Variants in VWDE observed in about 807,000 individuals in gnomAD.
The protein encoded by VWDE is von Willebrand factor D and EGF domain-containing protein.
VWDE carries 207 observed loss-of-function variants against 178.4 expected under a neutral mutation model. That is an observed-to-expected ratio of 1.16 (90% confidence interval 1.04 to 1.30). The LOEUF (loss-of-function observed/expected upper bound fraction) is 1.30. VWDE is among the 50% of genes most tolerant of loss of function. The pLI is 0.00. For synonymous variants in VWDE, 738 were observed against 651.4 expected (o/e 1.13, Z -2.02); for missense variants, 2,287 against 1,901.3 (o/e 1.20, Z -3.77).
chr7:12,336,853 C>G (rs1354504929), intron 26 of VWDE, 135 bp downstream of exon 26: 1 of 765,488 alleles, frequency 1.3e-6, no homozygotes, highest in African/African-American at 1.8e-5. Flanking sequence ...GAGGTATCTC[C>G]TAAAGCAAGA....
intron 15 of VWDE, 112 bp downstream of exon 15, chr7:12,361,035 T>C (rs1782545952): frequency 1.6e-6 from 1 of 609,364 alleles, no homozygotes; most frequent in Non-Finnish European, 2.7e-6. Flanking sequence ...AAGGCTTTTC[T>C]CTATTAGTTT....
At chr7:12,336,005 C>G in intron 27 of VWDE, 136 bp downstream of exon 27, 1 of 716,656 alleles carries the variant, frequency 1.4e-6, no homozygotes, top group Non-Finnish European at 2.2e-6. Flanking sequence ...TGTTTTATAT[C>G]TAAAATCATT....
intron 24 of VWDE, among the ~76,000 whole-genome samples, chr7:12,339,356 T>G (rs923292809): frequency 2.0e-5 from 3 of 152,176 alleles, no homozygotes; most frequent in Non-Finnish European, 4.4e-5. Context: ...ACATTCTCCA[T>G]TCAAAACTAC....
chr7:12,332,762 T>C (rs1002908067), intron 28 of VWDE, among the ~76,000 whole-genome samples: 1 of 152,164 alleles, frequency 6.6e-6, no homozygotes, highest in Non-Finnish European at 1.5e-5. Context: ...ACTATACATA[T>C]ATCCATTTTG....
At chr7:12,364,303 C>T (rs920178740) in intron 13 of VWDE, among the ~76,000 whole-genome samples, 2 of 152,024 alleles carry the variant, frequency 1.3e-5, no homozygotes, top group Admixed American at 6.6e-5. Context: ...AAGAAGCACA[C>T]CTTGCACCCA....
intron 16 of VWDE, 98 bp from the exon 17 acceptor site, chr7:12,357,613 T>C: frequency 2.2e-6 from 3 of 1,343,946 alleles, no homozygotes; most frequent in Non-Finnish European, 3.0e-6. Context: ...TGATAAAGAC[T>C]GAACTCTGCT....
chr7:12,393,913 T>C, intron 1 of VWDE, 135 bp from the exon 2 acceptor site: 1 of 630,584 alleles, frequency 1.6e-6, no homozygotes, highest in South Asian at 3.6e-5. Flanking sequence ...CCCTCTGAAA[T>C]GTCAGGGTCT....
intron 7 of VWDE, among the ~76,000 whole-genome samples, chr7:12,376,790 C>T (rs1447015147): frequency 6.6e-6 from 1 of 152,036 alleles, no homozygotes; most frequent in Non-Finnish European, 1.5e-5. Flanking sequence ...GTAGGTATTA[C>T]TGAGCCTGCT....
At chr7:12,393,125 T>G (rs182969588) in intron 2 of VWDE, among the ~76,000 whole-genome samples, 1 of 152,270 alleles carries the variant, frequency 6.6e-6, no homozygotes, top group East Asian at 1.9e-4. Flanking sequence ...TTTTACTCCA[T>G]CAGTTAAGAA....
rs1234955188 is a variant in VWDE at position 12,383,459 on chromosome 7, A to G, written c.541+77T>C. ...AATATCAATATAATTCAACATCCAA[A>G]GCTGCAGAATATAATTATCTGTTGA... On this transcript the variant is annotated intron_variant, in intron 4 of 28. Coordinates refer to ENST00000275358, the MANE Select transcript of VWDE (RefSeq NM_001135924.3). 5 of 1,152,878 alleles carry G rather than the reference A, an allele frequency of 4.3e-6. No individual in the cohort carries two copies. The Admixed American group carries it at 1.0e-4, about 24-fold the overall frequency. The allele number at this position is 1,152,878 out of a possible 1,614,324, so 71.4% of individuals were successfully genotyped here.
intron 12 of VWDE, among the ~76,000 whole-genome samples, chr7:12,369,303 A>G (rs1783022866): frequency 6.6e-6 from 1 of 152,154 alleles, no homozygotes; most frequent in Non-Finnish European, 1.5e-5. Context: ...ATGAGTTTAG[A>G]GAGCCACTGA....
rs534610116 is a variant in VWDE, at chr7:12,339,233, T to C, written c.4366+1089A>G. Among the ~76,000 whole-genome samples, 135 of 152,304 alleles carry C rather than the reference T, an allele frequency of 8.9e-4. 2 individuals carry two copies. The highest frequency in any genetic ancestry group is 3.1e-3 in the African/African-American group (129 of 41,592). On this transcript the variant is annotated intron_variant, in intron 24 of 28. Coordinates refer to ENST00000275358, the MANE Select transcript of VWDE (RefSeq NM_001135924.3). ...AATTCAGTTTAATAATTGAGAGATT[T>C]CTTCCTTTATCCACTTATACAACTG...
rs1461357423 is a variant in VWDE, at chr7:12,372,997, A to G, written c.1567T>C (p.Tyr523His). Residue 523 changes from tyrosine to histidine, a missense_variant, in exon 10 of 29, where the codon TAC becomes CAC. By Grantham distance (83) the Tyr-to-His change is moderately conservative. Transcript: ENST00000275358. ...CATACTGTGACTTTTCTTCCTAAGTAAGATTCACTTATCTTGATATTCCTG... is the reference window on the plus strand; with the variant it reads ...CATACTGTGACTTTTCTTCCTAAGTGAGATTCACTTATCTTGATATTCCTG... ...VTRNIKISESYLGRKVTIWFS... is the reference protein window; with the variant it reads ...VTRNIKISESHLGRKVTIWFS... The G allele has an allele frequency of 6.4e-7, 1 of 1,551,068 alleles. No individual in the cohort carries two copies. The highest frequency in any genetic ancestry group is 8.7e-7 in the Non-Finnish European group (1 of 1,146,546).
chr7:12,334,695 T>C (rs984641810), intron 27 of VWDE, among the ~76,000 whole-genome samples: 3 of 152,230 alleles, frequency 2.0e-5, no homozygotes, highest in African/African-American at 7.2e-5. Context: ...ATAAAAATGC[T>C]GCAGGATGCA....
chr7:12,379,771 A>G (rs1392182613), intron 5 of VWDE, among the ~76,000 whole-genome samples: 2 of 152,162 alleles, frequency 1.3e-5, no homozygotes, highest in Non-Finnish European at 2.9e-5. Flanking sequence ...AACATAAAGT[A>G]TAGTAGGCTT....
intron 4 of VWDE, among the ~76,000 whole-genome samples, 173 bp downstream of exon 4, chr7:12,383,363 C>T (rs558283072): frequency 9.9e-5 from 15 of 152,146 alleles, no homozygotes; most frequent in South Asian, 2.1e-4. Context: ...TCACCCAACT[C>T]GAGGACTATT....
At position 12,367,366 on chromosome 7, in the gene VWDE, A is replaced by G. The variant is rs1782918077; in HGVS notation, c.2889T>C (p.Thr963=). ...TCTATAATTAACATACCTGTAGCTT[A>G]GTAACTTCACATTTAATTGAAGGTA... ...KELPSIKCEV[T]KLQYNSSEWM... The change falls in exon 13 of 29, where the codon ACT becomes ACC. Residue 963 remains threonine (T), a synonymous_variant. Coordinates refer to ENST00000275358, the MANE Select transcript of VWDE (RefSeq NM_001135924.3). The G allele has an allele frequency of 1.3e-6, 2 of 1,543,386 alleles. No homozygotes were observed. Among genetic ancestry groups the G allele is most frequent in the African/African-American group, 2.7e-5 (2 of 72,768 alleles).
chr7:12,373,270 G>A (rs1353404007), intron 9 of VWDE, 23 bp from the exon 10 acceptor site: 1 of 1,544,490 alleles, frequency 6.5e-7, no homozygotes, highest in Non-Finnish European at 8.7e-7. Context: ...AAAGGCAATT[G>A]CATTAAAAAA....
intron 1 of VWDE, among the ~76,000 whole-genome samples, chr7:12,396,333 A>T: frequency 6.6e-6 from 1 of 151,238 alleles, no homozygotes; most frequent in East Asian, 1.9e-4. Flanking sequence ...CAAATAAATC[A>T]TTTTATTTTT....
Sources: gnomAD v4.1 joint callset for allele counts (sites outside exome capture counted in the v4.1 genomes callset) on GRCh38, gnomAD v4.1.1 for gene constraint, MANE v1.5 for transcripts, NCBI Gene and HGNC (gene_info 2026-07-23, HGNC 2026-07-21) for gene names.